The following ZFP69B variants were observed in gnomAD, a reference collection of about 807,000 sequenced individuals.
ZFP69B encodes zinc finger protein 69 homolog B.
Under a neutral mutation model 19.7 loss-of-function variants are expected in ZFP69B, and 20 were observed. That is an observed-to-expected ratio of 1.02 (90% confidence interval 0.71 to 1.48). ZFP69B has a LOEUF of 1.48. ZFP69B is among the 40% of genes most tolerant of loss of function. ZFP69B has a pLI of 0.00. For missense variants in ZFP69B, 583 were observed against 632.6 expected (o/e 0.92, Z 0.84); for synonymous variants, 220 against 222.7 (o/e 0.99, Z 0.11).
chr1:40,456,942 T>C lies in ZFP69B; in HGVS notation c.214-3T>C, dbSNP rs1407635148. On this transcript the variant is annotated splice_region_variant and splice_polypyrimidine_tract_variant and intron_variant, in intron 2 of 4. Transcript: ENST00000361584. Reference sequence around the variant, plus strand: ...CTGAAAAGGAACGTATTTGATGTTCTAGGAACTGTTAACCTTCAAGGACGT... The same window carrying C: ...CTGAAAAGGAACGTATTTGATGTTCCAGGAACTGTTAACCTTCAAGGACGT... 7 of 1,612,668 alleles carry C rather than the reference T, an allele frequency of 4.3e-6. No individual in the cohort carries two copies. Among genetic ancestry groups the C allele is most frequent in the African/African-American group, 1.3e-5 (1 of 74,904 alleles).
chr1:40,456,068 C>T (rs1233531242), intron 2 of ZFP69B, among the ~76,000 whole-genome samples: 1 of 152,154 alleles, frequency 6.6e-6, no homozygotes, highest in Non-Finnish European at 1.5e-5. Flanking sequence ...AGTAAACATA[C>T]GTGTGCCTGT....
rs962440632 is a variant in ZFP69B, at chr1:40,451,008, G to A, written c.47G>A (p.Trp16Ter). 1.5e-5 allele frequency: 23 copies of A among 1,551,316 alleles called. No homozygotes were observed. The highest frequency in any genetic ancestry group is 3.9e-5 in the Admixed American group (2 of 50,968). Residue 16 changes from tryptophan to a stop codon, truncating the protein, a stop_gained, in exon 1 of 5, where the codon TGG becomes TAG. Transcript: ENST00000361584. LOFTEE classifies it high-confidence loss of function. The stretch of plus-strand genomic sequence containing the variant: ...ACCCTGCCCACCGAGGCCAGCACCT[G>A]GGTGAAGTTGCGTCATCCAAAGGCG... Reference protein sequence around the residue: ...LITLPTEASTWVKLRHPKAAT... With the variant: ...LITLPTEAST
At position 40,463,272 on chromosome 1, in the gene ZFP69B, C is replaced by T. The variant is rs533148248; in HGVS notation, c.1288C>T (p.His430Tyr). ...TAATGTATGTAGTAAAACCTTCAGC[C>T]ATAGTACATACCTAACTCAACACCA... ...ICNVCSKTFS[H>Y]STYLTQHQRT... The change falls in exon 5 of 5, where the codon CAT becomes TAT. Residue 430 changes from histidine to tyrosine, a missense_variant. Coordinates refer to ENST00000361584, the MANE Select transcript of ZFP69B (RefSeq NM_023070.3). 1.2e-6 allele frequency: 2 copies of T among 1,614,100 alleles called. No homozygotes were observed. The highest frequency in any genetic ancestry group is 1.3e-5 in the African/African-American group (1 of 75,008).
chr1:40,463,633 T>C lies in ZFP69B; in HGVS notation c.*44T>C. The C allele has an allele frequency of 6.7e-7, 1 of 1,495,518 alleles. No homozygotes were observed. The highest frequency in any genetic ancestry group is 9.0e-7 in the Non-Finnish European group (1 of 1,111,656). 92.6% of individuals were successfully genotyped at this position (1,495,518 alleles called of 1,614,324 possible). A position where few individuals can be genotyped will look rare whatever the true frequency, so the allele number is the denominator to read the frequency against. Reference sequence around the variant, plus strand: ...GAATCTATGTTGGAGCACAAGATTCTAAATCAGTGGTTCCCTGATCCCTCA... The same window carrying C: ...GAATCTATGTTGGAGCACAAGATTCCAAATCAGTGGTTCCCTGATCCCTCA... On this transcript the variant is annotated 3_prime_UTR_variant, in exon 5 of 5. Transcript: ENST00000361584.
intron 4 of ZFP69B, among the ~76,000 whole-genome samples, 176 bp downstream of exon 4, chr1:40,457,615 CAG>C (rs1336137789): frequency 6.6e-6 from 1 of 152,226 alleles, no homozygotes; most frequent in Non-Finnish European, 1.5e-5. Flanking sequence ...TCTCTGGAGT[CAG>C]AGGAAAAGAG....
At chr1:40,457,268 A>G (rs774555248) in intron 3 of ZFP69B, 76 bp from the exon 4 acceptor site, 1 of 1,539,730 alleles carries the variant, frequency 6.5e-7, no homozygotes, top group South Asian at 1.1e-5. Context: ...AGGCCCGAAT[A>G]CCAAAGAACC....
chr1:40,453,319 C>T (rs1645203045), intron 1 of ZFP69B, among the ~76,000 whole-genome samples: 1 of 152,052 alleles, frequency 6.6e-6, no homozygotes, highest in South Asian at 2.1e-4. Context: ...AGAAAGCTGG[C>T]AGTGTGTTAT....
chr1:40,455,450 A>G (rs1396214590), intron 2 of ZFP69B, among the ~76,000 whole-genome samples: 1 of 152,206 alleles, frequency 6.6e-6, no homozygotes, highest in African/African-American at 2.4e-5. Flanking sequence ...GTGGATGCTA[A>G]CATCAGCCTA....
At chr1:40,454,784 C>T (rs1412321410) in intron 2 of ZFP69B, among the ~76,000 whole-genome samples, 1 of 152,188 alleles carries the variant, frequency 6.6e-6, no homozygotes, top group Non-Finnish European at 1.5e-5. Flanking sequence ...TAGTAACCCT[C>T]CACAGGAAAC....
chr1:40,457,438 A>C lies in ZFP69B; in HGVS notation c.435A>C (p.Ser145=). The change falls in exon 4 of 5, where the codon TCA becomes TCC. Residue 145 remains serine (S), a splice_region_variant and synonymous_variant. Coordinates refer to ENST00000361584, the MANE Select transcript of ZFP69B (RefSeq NM_023070.3). ...GAGATATTTCAGGAGTTCCAAGTTC[A>C]GGTAAGTGCAAGGCAGGTGGGGCCT... ...MERDISGVPS[S]DLKSKTKTKE... The C allele has an allele frequency of 6.2e-7, 1 of 1,613,932 alleles. No individual in the cohort carries two copies. Among genetic ancestry groups the C allele is most frequent in the African/African-American group, 1.3e-5 (1 of 75,048 alleles).
At position 40,462,964 on chromosome 1, in the gene ZFP69B, G is replaced by T. The variant is rs137945908; in HGVS notation, c.980G>T (p.Arg327Ile). 118 of 1,614,010 alleles carry T rather than the reference G, an allele frequency of 7.3e-5. No individual in the cohort carries two copies. The African/African-American group carries it at 1.4e-3, about 20-fold the overall frequency. ...AGTTCATCTCTTATTCCGCATCAGA[G>T]AATTCATACTGGTGAGAAACCCTAT... ...SQSSSLIPHQ[R>I]IHTGEKPYEC... The change falls in exon 5 of 5, where the codon AGA becomes ATA. Residue 327 changes from arginine to isoleucine, a missense_variant. By Grantham distance (97) the Arg-to-Ile change is moderately conservative. Transcript: ENST00000361584.
At chr1:40,453,686 A>G (rs538938802) in intron 1 of ZFP69B, among the ~76,000 whole-genome samples, 19 of 152,128 alleles carry the variant, frequency 1.2e-4, no homozygotes, top group Non-Finnish European at 2.4e-4. Flanking sequence ...TGGAGAAGCC[A>G]TGGACTGGTT....
chr1:40,458,277 C>T (rs1202833226), intron 4 of ZFP69B, among the ~76,000 whole-genome samples: 4 of 152,136 alleles, frequency 2.6e-5, no homozygotes, highest in Non-Finnish European at 5.9e-5. Flanking sequence ...ACCTTAATAT[C>T]CTTTCCTCTA....
chr1:40,457,124 T>C (rs1053110177), intron 3 of ZFP69B, 53 bp downstream of exon 3: 1 of 1,578,746 alleles, frequency 6.3e-7, no homozygotes, highest in Non-Finnish European at 8.6e-7. Flanking sequence ...TGAAAACCTT[T>C]GTTTCTAAAT....
chr1:40,460,026 T>C (rs562713263), intron 4 of ZFP69B, among the ~76,000 whole-genome samples: 1 of 152,080 alleles, frequency 6.6e-6, no homozygotes, highest in Non-Finnish European at 1.5e-5. Flanking sequence ...TTTTACAGAG[T>C]AATCAACATT....
In ZFP69B at chr1:40,462,827, T is replaced by G. The variant is rs757011618; in HGVS notation, c.843T>G (p.Cys281Trp). The G allele has an allele frequency of 3.7e-6, 6 of 1,613,942 alleles. No homozygotes were observed. The highest frequency in any genetic ancestry group is 5.1e-6 in the Non-Finnish European group (6 of 1,180,010). Residue 281 changes from cysteine (C) to tryptophan (W), a missense_variant, in exon 5 of 5, where the codon TGT becomes TGG. Coordinates refer to ENST00000361584, the MANE Select transcript of ZFP69B (RefSeq NM_023070.3). ...RSYTKMKTFECNICEKIFKQL... is the reference protein window; with the variant it reads ...RSYTKMKTFEWNICEKIFKQL... ...ATACAAAAATGAAAACCTTTGAGTG[T>G]AATATTTGTGAAAAAATCTTCAAAC...
rs1645313033 is a variant in ZFP69B, at chr1:40,463,502, T to C, written c.1518T>C (p.Asn506=). The C allele has an allele frequency of 6.2e-7, 1 of 1,614,090 alleles. No homozygotes were observed. ...CTGGAGAAAAACCTTATGATTGTAA[T>C]GAGTGTGGAAAAGCCTTCAGCTGTA... ...IHTGEKPYDC[N]ECGKAFSCSS... The change falls in exon 5 of 5, where the codon AAT becomes AAC. Residue 506 remains asparagine (N), a synonymous_variant. Transcript: ENST00000361584.
rs371800696 is a variant in ZFP69B at position 40,463,181 on chromosome 1, G to A, written c.1197G>A (p.Ala399=). 21 of 1,613,988 alleles carry A rather than the reference G, an allele frequency of 1.3e-5. No individual in the cohort carries two copies. The highest frequency in any genetic ancestry group is 7.7e-5 in the South Asian group (7 of 91,080). The part of the protein sequence containing the change: ...KPFTCKDCGK[A]FFQIRHLRQH... ...TTACATGCAAAGACTGTGGAAAAGC[G>A]TTTTTCCAGATTAGACACCTTAGGC... The change falls in exon 5 of 5, where the codon GCG becomes GCA. Residue 399 remains alanine, a synonymous_variant. Coordinates refer to ENST00000361584, the MANE Select transcript of ZFP69B (RefSeq NM_023070.3).
intron 1 of ZFP69B, 139 bp from the exon 2 acceptor site, chr1:40,454,064 G>C (rs1371473107): frequency 6.8e-6 from 3 of 441,032 alleles, no homozygotes; most frequent in Non-Finnish European, 3.9e-6. Flanking sequence ...AGGAGGCTTT[G>C]AGCTGCTCTT....
Sources: allele counts gnomAD v4.1 joint callset (sites outside exome capture counted in the v4.1 genomes callset), GRCh38; gene constraint gnomAD v4.1.1; transcripts MANE v1.5; gene names NCBI Gene and HGNC (gene_info 2026-07-23, HGNC 2026-07-21).